Variants in NTRK3 observed in about 807,000 individuals in gnomAD.
NTRK3 encodes the protein neurotrophic receptor tyrosine kinase 3.
In NTRK3, 24 loss-of-function variants were observed where a neutral mutation model predicts 91.7. The ratio of observed to expected loss-of-function variants is 0.26; its 90% CI spans 0.19 to 0.37. NTRK3 has a LOEUF of 0.37. NTRK3 is among the 10% of genes least tolerant of loss of function. The pLI is 1.00. For missense variants in NTRK3, 880 were observed against 1,068.9 expected (o/e 0.82, Z 2.46); for synonymous variants, 483 against 404.0 (o/e 1.20, Z -2.34).
At chr15:88,137,419 T>C in exon 7 of NTRK3, 1 of 1,613,964 alleles carries the variant, frequency 6.2e-7, no homozygotes, top group African/African-American at 1.3e-5. Context: ...TGACTGATGT[T>C]CATGCGGAAG....
At chr15:88,052,456 C>T (rs1426733271) in intron 13 of NTRK3, among the ~76,000 whole-genome samples, 14 of 152,316 alleles carry the variant, frequency 9.2e-5, no homozygotes, top group Non-Finnish European at 1.0e-4. Flanking sequence ...GGAGTAAGCA[C>T]GCTATGACTC....
intron 13 of NTRK3, among the ~76,000 whole-genome samples, chr15:88,121,961 G>A (rs529273269): frequency 1.3e-5 from 2 of 152,332 alleles, no homozygotes; most frequent in African/African-American, 4.8e-5. Context: ...GGCAGTTGGA[G>A]GGCTCTGAGA....
rs572842850 is a variant in NTRK3, at chr15:87,997,728, G to A, written c.1585+35129C>T. Among the ~76,000 whole-genome samples the A allele has an allele frequency of 7.7e-4, 117 of 152,196 alleles. 2 individuals are homozygous for A. The highest frequency in any genetic ancestry group is 2.4e-4 in the Non-Finnish European group (16 of 68,004). On this transcript the variant is annotated intron_variant, in intron 14 of 18. Transcript: ENST00000394480. ...TATGAAATTGAGGTACGTTTCTTACGTAAGAAACCTGGGGTCATAGTTTCT... is the reference window on the plus strand; with the variant it reads ...TATGAAATTGAGGTACGTTTCTTACATAAGAAACCTGGGGTCATAGTTTCT...
At chr15:87,979,200 T>G in intron 14 of NTRK3, 2 of 735,622 alleles carry the variant, frequency 2.7e-6, no homozygotes, top group South Asian at 1.5e-5. Flanking sequence ...TCTGGTGGTG[T>G]TAAAGGGTGC....
intron 3 of NTRK3, among the ~76,000 whole-genome samples, chr15:88,187,453 T>C (rs1210160139): frequency 1.3e-5 from 2 of 152,146 alleles, no homozygotes; most frequent in East Asian, 3.8e-4. Flanking sequence ...CCGGCTGGTG[T>C]GTGTGTGCTA....
chr15:88,239,521 A>T (rs1196646228), intron 3 of NTRK3, among the ~76,000 whole-genome samples: 1 of 152,172 alleles, frequency 6.6e-6, no homozygotes, highest in Non-Finnish European at 1.5e-5. Flanking sequence ...GTGTGTTTTC[A>T]TCTCTCAACT....
intron 14 of NTRK3, among the ~76,000 whole-genome samples, chr15:87,957,571 TA>T (rs1309066664): frequency 2.6e-5 from 4 of 152,160 alleles, no homozygotes; most frequent in African/African-American, 9.6e-5. Context: ...GCACAGTGCA[TA>T]GGGAAAAAAA....
intron 14 of NTRK3, among the ~76,000 whole-genome samples, chr15:87,993,562 C>T (rs765543064): frequency 1.1e-4 from 17 of 152,266 alleles, no homozygotes; most frequent in Non-Finnish European, 1.6e-4. Flanking sequence ...CATACTCATA[C>T]ACAGAGACAC....
intron 13 of NTRK3, among the ~76,000 whole-genome samples, chr15:88,085,392 G>A (rs1262203796): frequency 1.3e-5 from 2 of 152,198 alleles, no homozygotes; most frequent in Non-Finnish European, 1.5e-5. Flanking sequence ...TCCAAGCCAA[G>A]GTTTTAAGAG....
At chr15:87,915,115 T>C (rs1271939284) in intron 17 of NTRK3, among the ~76,000 whole-genome samples, 2 of 152,088 alleles carry the variant, frequency 1.3e-5, no homozygotes, top group African/African-American at 2.4e-5. Context: ...GTGATGGTGG[T>C]GGTGGTGGTG....
intron 17 of NTRK3, among the ~76,000 whole-genome samples, chr15:87,912,621 GCTCTCTCT>G (rs112477797): frequency 6.7e-6 from 1 of 148,930 alleles, no homozygotes; most frequent in Non-Finnish European, 1.5e-5. Flanking sequence ...AGGGACATCT[GCTCTCTCT>G]CTCTCTCTCT....
In NTRK3 at chr15:88,235,265, G is replaced by C. The variant is rs2051590635; in HGVS notation, c.248+20641C>G. On this transcript the variant is annotated intron_variant, in intron 3 of 18. Coordinates refer to ENST00000394480, the Ensembl canonical transcript of NTRK3. The surrounding 1 kb of genome is among the most constrained non-coding windows in gnomAD (Gnocchi z 5.2). Reference sequence around the variant, plus strand: ...TTGCACATCACAGAATCACCAACATGAATGAGTAAGGCCTGTGTCGCTGTC... The same window carrying C: ...TTGCACATCACAGAATCACCAACATCAATGAGTAAGGCCTGTGTCGCTGTC... Among the ~76,000 whole-genome samples, 1 of 152,200 alleles carries C rather than the reference G, an allele frequency of 6.6e-6. No individual in the cohort carries two copies. Among genetic ancestry groups the C allele is most frequent in the South Asian group, 2.1e-4 (1 of 4,830 alleles).
intron 17 of NTRK3, among the ~76,000 whole-genome samples, chr15:87,903,613 C>A (rs2066582180): frequency 6.6e-6 from 1 of 152,226 alleles, no homozygotes; most frequent in Non-Finnish European, 1.5e-5. Flanking sequence ...GATTTCTTAT[C>A]TCTGGATAAA....
chr15:87,952,093 C>G (rs537193334), intron 14 of NTRK3, among the ~76,000 whole-genome samples: 1 of 151,220 alleles, frequency 6.6e-6, no homozygotes, highest in South Asian at 2.1e-4. Flanking sequence ...CGCCACCGCA[C>G]TCCAGGCTGG....
intron 3 of NTRK3, among the ~76,000 whole-genome samples, chr15:88,246,991 C>T (rs768615462): frequency 1.6e-4 from 25 of 152,352 alleles, no homozygotes; most frequent in Non-Finnish European, 2.5e-4. Flanking sequence ...CGCCACACTG[C>T]CCTCTGGTGG....
At chr15:88,007,300 C>T (rs187657951) in intron 14 of NTRK3, among the ~76,000 whole-genome samples, 1 of 152,294 alleles carries the variant, frequency 6.6e-6, no homozygotes, top group East Asian at 1.9e-4. Context: ...AGGGTGGAAC[C>T]AAAACCCAGT....
intron 14 of NTRK3, among the ~76,000 whole-genome samples, chr15:88,005,121 G>GGA (rs1489051513): frequency 2.0e-5 from 3 of 152,108 alleles, no homozygotes; most frequent in African/African-American, 4.8e-5. Flanking sequence ...ATTGATTTGG[G>GGA]TCTCTTTGCT....
At chr15:88,253,640 C>T (rs978406851) in intron 3 of NTRK3, among the ~76,000 whole-genome samples, 30 of 152,216 alleles carry the variant, frequency 2.0e-4, no homozygotes, top group Non-Finnish European at 3.8e-4. Context: ...CCCTCCCCCA[C>T]CTGCCACTGG....
intron 5 of NTRK3, among the ~76,000 whole-genome samples, chr15:88,149,327 G>A (rs1460613381): frequency 2.0e-5 from 3 of 152,142 alleles, no homozygotes; most frequent in African/African-American, 7.2e-5. Flanking sequence ...CAGGGTACTG[G>A]AGGAGAAGGG....
Sources: gnomAD v4.1 joint callset for allele counts (sites outside exome capture counted in the v4.1 genomes callset) on GRCh38, gnomAD v4.1.1 for gene constraint, Gnocchi (gnomAD v3.1) non-coding constraint, MANE v1.5 for transcripts, NCBI Gene and HGNC (gene_info 2026-07-23, HGNC 2026-07-21) for gene names.